IL17REL: variants seen among roughly 807,000 people sequenced by gnomAD.
The protein encoded by IL17REL is interleukin 17 receptor E like.
In IL17REL, 36 loss-of-function variants were observed where a neutral mutation model predicts 49.0. The observed-to-expected ratio is 0.73, with a 90% confidence interval of 0.56 to 0.97. IL17REL has a LOEUF of 0.97. IL17REL is among the 50% of genes least tolerant of loss of function. IL17REL has a pLI of 0.00. For synonymous variants in IL17REL, 206 were observed against 192.4 expected (o/e 1.07, Z -0.58); for missense variants, 470 against 453.9 (o/e 1.04, Z -0.32).
At chr22:49,994,341 A>T (rs1319674431), downstream of IL17REL, among the ~76,000 whole-genome samples, 2 of 151,772 alleles carry the variant, frequency 1.3e-5, no homozygotes, top group African/African-American at 4.8e-5. Flanking sequence ...ACTCCCAGAG[A>T]CCCGGCACCT....
rs1285344841 is a variant in IL17REL at position 50,000,866 on chromosome 22, G to C, written c.110-3C>G. 6.5e-7 allele frequency: 1 copy of C among 1,542,400 alleles called. No individual in the cohort carries two copies. Among genetic ancestry groups the C allele is most frequent in the Admixed American group, 2.0e-5 (1 of 49,592 alleles). On this transcript the variant is annotated splice_polypyrimidine_tract_variant and splice_region_variant and intron_variant, in intron 2 of 12. Coordinates refer to ENST00000341280, the Ensembl canonical transcript of IL17REL. The stretch of plus-strand genomic sequence containing the variant: ...GGCCTCCAGGCCCCGCAGGCGCTCT[G>C]GGTGGAGGAAGGACCCGGCAGGGTG...
downstream of IL17REL, among the ~76,000 whole-genome samples, chr22:49,993,774 G>T (rs757645692): frequency 2.6e-5 from 4 of 152,124 alleles, no homozygotes; most frequent in African/African-American, 9.7e-5. The surrounding 1 kb of genome is among the most constrained non-coding windows in gnomAD (Gnocchi z 6.0). Context: ...ATCCTCCCCA[G>T]CCCCACCTCC....
chr22:50,009,377 T>G (rs945752104), upstream of IL17REL, among the ~76,000 whole-genome samples: 1 of 152,126 alleles, frequency 6.6e-6, no homozygotes, highest in Non-Finnish European at 1.5e-5. Flanking sequence ...AGAAGGGTCC[T>G]GTGGGACAGG....
upstream of IL17REL, among the ~76,000 whole-genome samples, chr22:50,011,238 T>C (rs1601895375): frequency 1.0e-5 from 1 of 95,950 alleles, no homozygotes; most frequent in Admixed American, 1.2e-4. Flanking sequence ...CCTCCTCTCC[T>C]CTCCCCTCCA....
At chr22:49,999,474 A>T in exon 6 of IL17REL, 6 of 1,606,918 alleles carry the variant, frequency 3.7e-6, no homozygotes, top group Non-Finnish European at 5.1e-6. Flanking sequence ...GGGCAGGAAG[A>T]CGGCCTGGGA....
chr22:49,994,310 T>C (rs1227963697), downstream of IL17REL, among the ~76,000 whole-genome samples: 1 of 14,792 alleles, frequency 6.8e-5, no homozygotes, highest in Non-Finnish European at 1.2e-4. Context: ...GGTCACACCA[T>C]GTGACGCTGA....
At chr22:49,998,041 G>A (rs372319009) in exon 9 of IL17REL, 2 of 1,594,458 alleles carry the variant, frequency 1.3e-6, no homozygotes, top group African/African-American at 2.7e-5. Context: ...GCAGAGCTGG[G>A]GCTGGGTGTC....
At chr22:50,004,277 C>T (rs1397299437) in intron 1 of IL17REL, among the ~76,000 whole-genome samples, 1 of 152,128 alleles carries the variant, frequency 6.6e-6, no homozygotes, top group East Asian at 1.9e-4. Context: ...CAGGGTTTCG[C>T]CATGTTGGCC....
rs777012792 is a variant in IL17REL, at chr22:49,998,301, C to T, written c.610G>A (p.Ala204Thr). Residue 204 changes from alanine (A) to threonine (T), a missense_variant, in exon 8 of 13, where the codon GCA (alanine) becomes ACA (threonine). Transcript: ENST00000341280. The stretch of plus-strand genomic sequence containing the variant: ...ACCGTGTCCCACAGCACCTCCAGTG[C>T]CTCAGTGTCTGCAGGAACCCTCCCC... The T allele has an allele frequency of 1.8e-5, 29 of 1,603,044 alleles. No homozygotes were observed. In the Middle Eastern group the frequency reaches 2.7e-3, roughly 147 times the overall value.
chr22:49,995,962 A>T (rs1436335500), exon 13 of IL17REL: 2 of 152,332 alleles, frequency 1.3e-5, no homozygotes, highest in Non-Finnish European at 2.9e-5. Flanking sequence ...GCAGGTGGCC[A>T]TTGCCCCTTT....
Position 49,995,819 on chromosome 22 carries a change from C to T in IL17REL, c.*1086G>A, listed in dbSNP as rs375362336. 9.0e-4 allele frequency: 138 copies of T among 152,772 alleles called. 1 individual carries two copies. In the South Asian group the frequency reaches 0.027, roughly 30 times the overall value. The allele number at this position is 152,772 out of a possible 1,614,324, so 9.5% of individuals were successfully genotyped here. ...CTGGCCCCAAGAGGAGTGTGTATGA[C>T]CCCCAGATCCCCCCACCTGAGCCAG... On this transcript the variant is annotated 3_prime_UTR_variant, in exon 13 of 13. Transcript: ENST00000341280.
upstream of IL17REL, among the ~76,000 whole-genome samples, chr22:50,010,195 G>T (rs2061131591): frequency 6.6e-6 from 1 of 152,250 alleles, no homozygotes; most frequent in Non-Finnish European, 1.5e-5. Flanking sequence ...CGTGGGCGGA[G>T]TATACAGGCT....
At chr22:49,998,091 C>G in intron 8 of IL17REL, 22 bp from the exon 11 acceptor site, 1 of 1,592,308 alleles carries the variant, frequency 6.3e-7, no homozygotes, top group Non-Finnish European at 8.5e-7. Context: ...TGGGGTCAGG[C>G]TGTGGCATCC....
intron 10 of IL17REL, chr22:49,997,454 T>C: frequency 6.3e-7 from 1 of 1,589,040 alleles, no homozygotes; most frequent in Non-Finnish European, 8.6e-7. Context: ...TGGCCCTTTG[T>C]GGGCGAAGGC....
In IL17REL at chr22:50,004,916, G is replaced by GA. The variant is rs1287778242; in HGVS notation, c.-41-3686dup. Among the ~76,000 whole-genome samples the GA allele has an allele frequency of 1.4e-4, 13 of 92,950 alleles. No individual in the cohort carries two copies. The East Asian group carries it at 3.6e-3, about 26-fold the overall frequency. The allele number at this position is 92,950 out of a possible 152,430, so 61.0% of individuals were successfully genotyped here. On this transcript the variant is annotated intron_variant, in intron 1 of 12. Transcript: ENST00000341280. ...AATCTGCATCTTTTGACCCTTTCTA[G>GA]AAAAAAGACAAAGACTTATTCCAGG...
intron 1 of IL17REL, 126 bp from the exon 3 acceptor site, chr22:50,001,357 G>A (rs2061079339): frequency 5.1e-6 from 3 of 587,984 alleles, no homozygotes; most frequent in Non-Finnish European, 9.1e-6. Flanking sequence ...TTACTATCTT[G>A]CCCCAGGCCA....
downstream of IL17REL, among the ~76,000 whole-genome samples, chr22:49,992,568 C>T (rs761838483): frequency 1.2e-4 from 19 of 152,228 alleles, no homozygotes; most frequent in South Asian, 8.3e-4. Context: ...GCTGGGATTA[C>T]AGGTGTGCAA....
intron 1 of IL17REL, among the ~76,000 whole-genome samples, chr22:50,004,445 G>A (rs889443431): frequency 6.6e-6 from 1 of 152,192 alleles, no homozygotes; most frequent in African/African-American, 2.4e-5. Flanking sequence ...AGGGAGTGGG[G>A]AGGGGAGTGA....
At chr22:50,010,362 A>T (rs898349023), upstream of IL17REL, among the ~76,000 whole-genome samples, 1 of 152,202 alleles carries the variant, frequency 6.6e-6, no homozygotes, top group African/African-American at 2.4e-5. Context: ...ACGGGATCCG[A>T]GCAGGCCTCA....
Sources: allele counts gnomAD v4.1 joint callset (sites outside exome capture counted in the v4.1 genomes callset), GRCh38; gene constraint gnomAD v4.1.1; non-coding constraint Gnocchi (gnomAD v3.1); transcripts MANE v1.5; gene names NCBI Gene and HGNC (gene_info 2026-07-23, HGNC 2026-07-21).